Variants in LRRK1 observed in about 807,000 individuals in gnomAD.
LRRK1 encodes leucine rich repeat kinase 1.
LRRK1 carries 113 observed loss-of-function variants against 209.1 expected under a neutral mutation model. The observed-to-expected ratio is 0.54, with a 90% CI of 0.46 to 0.63. LRRK1 has a LOEUF of 0.63. Ranked by LOEUF, LRRK1 falls within the 30% of genes least tolerant of loss-of-function variation. LRRK1 has a pLI of 0.00. For synonymous variants in LRRK1, 1,144 were observed against 1,099.7 expected, an observed-to-expected ratio of 1.04 and a Z score of -0.80; for missense variants, 2,284 against 2,632.2, an observed-to-expected ratio of 0.87 and a Z score of 2.89.
At chr15:101,012,328 A>G (rs80039298) in intron 10 of LRRK1, among the ~76,000 whole-genome samples, 183 bp downstream of exon 10, 2,042 of 152,348 alleles carry the variant, frequency 0.013, 42 homozygotes, top group African/African-American at 0.047. Flanking sequence ...GCACGTGGAC[A>G]GCAGAAGCAG....
chr15:101,002,023 G>A (rs1001690789), intron 6 of LRRK1, among the ~76,000 whole-genome samples: 2 of 152,230 alleles, frequency 1.3e-5, no homozygotes, highest in African/African-American at 2.4e-5. Flanking sequence ...TTCGGAGTCT[G>A]CCCTGGGCTG....
At position 101,068,761 on chromosome 15, in the gene LRRK1, G is replaced by T; in HGVS notation, c.5961G>T (p.Arg1987Ser). Residue 1987 changes from arginine (R) to serine (S), a missense_variant, in exon 34 of 34, where the codon AGG becomes AGT. By Grantham distance (110) the Arg-to-Ser change is moderately radical. Around this residue, in one of 6 missense-constraint regions of LRRK1, gnomAD observed 643 missense variants for 695.9 expected, o/e 0.92. Coordinates refer to ENST00000388948, the MANE Select transcript of LRRK1 (RefSeq NM_024652.6). ...ENTEWCLAVW[R>S]GWGAREFDIF... ...CAGAGTGGTGCCTGGCCGTCTGGAGGGGCTGGGGCGCCAGGGAGTTCGACA... is the reference window on the plus strand; with the variant it reads ...CAGAGTGGTGCCTGGCCGTCTGGAGTGGCTGGGGCGCCAGGGAGTTCGACA... The T allele has an allele frequency of 6.2e-7, 1 of 1,613,906 alleles. No homozygotes were observed. The highest frequency in any genetic ancestry group is 8.5e-7 in the Non-Finnish European group (1 of 1,179,894).
chr15:100,996,007 C>T (rs2032391033), intron 6 of LRRK1, among the ~76,000 whole-genome samples: 1 of 152,248 alleles, frequency 6.6e-6, no homozygotes, highest in African/African-American at 2.4e-5. Context: ...AGCCCAGCTG[C>T]ACATCCTCAG....
chr15:100,941,462 CTCTG>C (rs1228538888), intron 2 of LRRK1, among the ~76,000 whole-genome samples: 204 of 16,438 alleles, frequency 0.012, 14 homozygotes, highest in Middle Eastern at 0.083. Context: ...GTGTCTATGT[CTCTG>C]TGTGTGTGTG....
Position 101,022,003 on chromosome 15 carries a change from A to G in LRRK1, c.1852+46A>G. 1.5e-6 allele frequency: 2 copies of G among 1,351,018 alleles called. No homozygotes were observed. Among genetic ancestry groups the G allele is most frequent in the Non-Finnish European group, 2.1e-6 (2 of 949,204 alleles). 83.7% of individuals were successfully genotyped at this position (1,351,018 alleles called of 1,614,324 possible). A position where few individuals can be genotyped will look rare whatever the true frequency, so the allele number is the denominator to read the frequency against. Reference sequence around the variant, plus strand: ...TCCCCTGCCATCACCTCTTGGAAAGACAACTCCAGTCCACTTGTTAAGTTC... The same window carrying G: ...TCCCCTGCCATCACCTCTTGGAAAGGCAACTCCAGTCCACTTGTTAAGTTC... On this transcript the variant is annotated intron_variant, in intron 14 of 33. Transcript: ENST00000388948. This position sits in a 1 kb window ranked among gnomAD's most constrained non-coding sequence, Gnocchi z 4.0.
intron 31 of LRRK1, among the ~76,000 whole-genome samples, 174 bp downstream of exon 31, chr15:101,062,864 G>A (rs1596352303): frequency 6.6e-6 from 1 of 152,300 alleles, no homozygotes; most frequent in East Asian, 1.9e-4. Flanking sequence ...CGTCATTAGT[G>A]CCTTCCGGTT....
chr15:100,986,767 A>G (rs1249130703), intron 4 of LRRK1, among the ~76,000 whole-genome samples: 1 of 152,184 alleles, frequency 6.6e-6, no homozygotes, highest in Non-Finnish European at 1.5e-5. Context: ...TAAGTAAACA[A>G]GCCTGTTTAA....
At chr15:101,066,618 C>G in intron 32 of LRRK1, 22 bp from the exon 33 acceptor site, 1 of 1,611,096 alleles carries the variant, frequency 6.2e-7, no homozygotes, top group Non-Finnish European at 8.5e-7. Context: ...ATCGCTTCCC[C>G]TTCTGGGTTT....
rs562022179 is a variant in LRRK1, at chr15:100,927,485, G to T, written c.97+2756G>T. On this transcript the variant is annotated intron_variant, in intron 2 of 33. Transcript: ENST00000388948. ...GTATAACCCAAGGGACACACACAAG[G>T]GCCAAGGACCCTGACGTGACCTCAG... Among the ~76,000 whole-genome samples the T allele has an allele frequency of 2.0e-5, 3 of 152,186 alleles. No individual in the cohort carries two copies. The South Asian group carries it at 6.2e-4, about 32-fold the overall frequency.
intron 6 of LRRK1, among the ~76,000 whole-genome samples, chr15:100,996,833 G>T (rs12914397): frequency 0.12 from 18,385 of 152,236 alleles, 1,192 homozygotes; most frequent in African/African-American, 0.15. Flanking sequence ...AGAGAAAAAT[G>T]ATTAAGCTAG....
chr15:100,950,971 CG>C (rs1555459980), intron 2 of LRRK1, among the ~76,000 whole-genome samples: 4 of 152,120 alleles, frequency 2.6e-5, no homozygotes, highest in Non-Finnish European at 5.9e-5. Flanking sequence ...GGCGTGGTGG[CG>C]GGCGCCTGTA....
chr15:101,002,931 C>T (rs970976708), intron 6 of LRRK1, among the ~76,000 whole-genome samples: 3 of 152,152 alleles, frequency 2.0e-5, no homozygotes, highest in Non-Finnish European at 4.4e-5. Context: ...AGGGTTTCAC[C>T]ATGTTGTCCA....
chr15:100,976,779 A>C (rs2031319875), intron 3 of LRRK1, among the ~76,000 whole-genome samples: 1 of 152,226 alleles, frequency 6.6e-6, no homozygotes, highest in Non-Finnish European at 1.5e-5. Context: ...AAAACTGCCT[A>C]ACTGTTCCAT....
At chr15:101,040,488 T>C (rs12594881) in intron 20 of LRRK1, among the ~76,000 whole-genome samples, 15,631 of 152,132 alleles carry the variant, frequency 0.1, 1,299 homozygotes, top group East Asian at 0.43. Context: ...CCATTGCTGA[T>C]TTCTTCTATT....
At chr15:100,929,278 C>A (rs914279790) in intron 2 of LRRK1, among the ~76,000 whole-genome samples, 3 of 151,866 alleles carry the variant, frequency 2.0e-5, no homozygotes, top group Non-Finnish European at 4.4e-5. Context: ...GGCTCGCCCC[C>A]CCAGCTCTCT....
In LRRK1 at chr15:101,022,363, C is replaced by T. The variant is rs1349138821; in HGVS notation, c.1853-20C>T. 2.5e-6 allele frequency: 4 copies of T among 1,611,190 alleles called. No individual in the cohort carries two copies. The highest frequency in any genetic ancestry group is 3.4e-6 in the Non-Finnish European group (4 of 1,177,500). On this transcript the variant is annotated intron_variant, in intron 14 of 33. Coordinates refer to ENST00000388948, the MANE Select transcript of LRRK1 (RefSeq NM_024652.6). This position sits in a 1 kb window ranked among gnomAD's most constrained non-coding sequence, Gnocchi z 4.0. ...GCATGTGCCCACGCAGCTACCCTTC[C>T]CCTTAATGATTTTGCACAGGCCCCA...
At chr15:101,041,290 G>A (rs1364015057) in intron 20 of LRRK1, among the ~76,000 whole-genome samples, 1 of 152,084 alleles carries the variant, frequency 6.6e-6, no homozygotes. Flanking sequence ...GGAATCTCTT[G>A]CTGACAGCAC....
intron 12 of LRRK1, 74 bp from the exon 13 acceptor site, chr15:101,020,979 C>T (rs1342795190): frequency 7.0e-6 from 11 of 1,565,894 alleles, no homozygotes; most frequent in Admixed American, 3.4e-5. Flanking sequence ...TCAGTTTATA[C>T]GCCCACCTGG....
chr15:101,053,794 C>CT (rs2035628189), intron 26 of LRRK1, among the ~76,000 whole-genome samples: 1 of 60,028 alleles, frequency 1.7e-5, no homozygotes, highest in South Asian at 6.3e-4. Flanking sequence ...TGCTGAGACT[C>CT]TGAGACCGCA....
Sources: gnomAD v4.1 joint callset for allele counts (sites outside exome capture counted in the v4.1 genomes callset) on GRCh38, gnomAD v4.1.1 for gene constraint, gnomAD v4.1.1 regional missense constraint, Gnocchi (gnomAD v3.1) non-coding constraint, MANE v1.5 for transcripts, NCBI Gene and HGNC (gene_info 2026-07-23, HGNC 2026-07-21) for gene names.